ADAMTS12: variants seen among roughly 807,000 people sequenced by gnomAD.
ADAMTS12 encodes the protein A disintegrin and metalloproteinase with thrombospondin motifs 12.
In ADAMTS12, 118 loss-of-function variants were observed where a neutral mutation model predicts 167.8. The ratio of observed to expected loss-of-function variants is 0.70; its 90% CI spans 0.61 to 0.82. The LOEUF is 0.82. Among genes scored for constraint, ADAMTS12 ranks in the 40% least tolerant of loss-of-function variants. The pLI, the probability that ADAMTS12 is intolerant of heterozygous loss-of-function variation, is 0.00. For synonymous variants in ADAMTS12, 704 were observed against 716.9 expected (o/e 0.98, Z 0.29); for missense variants, 1,916 against 1,998.8 (o/e 0.96, Z 0.79).
chr5:33,649,495 A>C, intron 8 of ADAMTS12, 59 bp downstream of exon 8: 1 of 1,584,498 alleles, frequency 6.3e-7, no homozygotes, highest in Admixed American at 1.7e-5. Flanking sequence ...TGTAAAACTC[A>C]ATGCAGCTTC....
rs549704567 is a variant in ADAMTS12 at position 33,870,234 on chromosome 5, C to T, written c.489+10885G>A. 5.7e-4 allele frequency among the ~76,000 whole-genome samples: 87 copies of T among 151,976 alleles called. 1 individual carries two copies. Among genetic ancestry groups the T allele is most frequent in the East Asian group, 3.5e-3 (18 of 5,170 alleles). On this transcript the variant is annotated intron_variant, in intron 2 of 23. Coordinates refer to ENST00000504830, the MANE Select transcript of ADAMTS12 (RefSeq NM_030955.4). ...ATGCAATCATCACAGGGTCCTGAGG[C>T]GACATACATCTTCAGCTTATGAAGA...
chr5:33,863,151 C>T (rs957542818), intron 2 of ADAMTS12, among the ~76,000 whole-genome samples: 3 of 152,208 alleles, frequency 2.0e-5, no homozygotes, highest in African/African-American at 7.2e-5. Context: ...GATGCCCTCT[C>T]TCACCACTCC....
At chr5:33,549,753 G>A (rs1276274285) in intron 20 of ADAMTS12, among the ~76,000 whole-genome samples, 1 of 152,242 alleles carries the variant, frequency 6.6e-6, no homozygotes, top group Non-Finnish European at 1.5e-5. Flanking sequence ...CCCAGTGGGT[G>A]GCCATTCCGT....
chr5:33,612,440 C>G (rs1056357696), intron 16 of ADAMTS12, among the ~76,000 whole-genome samples: 2 of 152,174 alleles, frequency 1.3e-5, no homozygotes, highest in African/African-American at 4.8e-5. Flanking sequence ...GTGTGTGATG[C>G]AAAGGGTCCA....
In ADAMTS12 at chr5:33,891,787, G is replaced by A; in HGVS notation, c.70C>T (p.Leu24Phe). 1 of 1,614,212 alleles carries A rather than the reference G, an allele frequency of 6.2e-7. No individual in the cohort carries two copies. The highest frequency in any genetic ancestry group is 8.5e-7 in the Non-Finnish European group (1 of 1,180,030). The change falls in exon 1 of 24, where the codon CTT becomes TTT. Residue 24 changes from leucine to phenylalanine, a missense_variant. Physicochemically the swap from Leu to Phe is conservative, Grantham distance 22 (BLOSUM62 0). Coordinates refer to ENST00000504830, the MANE Select transcript of ADAMTS12 (RefSeq NM_030955.4). ...GGCTGAGGCTGTCTCCCATAGCAAA[G>A]CGCCCCAAAGTTAAGGAGCTGAGCC... ...VVAQLLNFGA[L>F]CYGRQPQPGP...
At chr5:33,838,430 C>T (rs774867468) in intron 2 of ADAMTS12, among the ~76,000 whole-genome samples, 1 of 152,158 alleles carries the variant, frequency 6.6e-6, no homozygotes, top group Non-Finnish European at 1.5e-5. Context: ...CACCTGTAAT[C>T]CCAGCACTTT....
chr5:33,813,148 G>A (rs1268652061), intron 2 of ADAMTS12, among the ~76,000 whole-genome samples: 1 of 152,192 alleles, frequency 6.6e-6, no homozygotes, highest in Non-Finnish European at 1.5e-5. Flanking sequence ...CAGATTCCCA[G>A]TGTTATGCAC....
intron 2 of ADAMTS12, among the ~76,000 whole-genome samples, chr5:33,822,969 T>C (rs920368273): frequency 3.3e-5 from 5 of 151,736 alleles, no homozygotes; most frequent in Admixed American, 6.6e-5. Context: ...GTGCACACCA[T>C]AGTCCCAGCT....
chr5:33,764,444 T>C (rs977218621), intron 2 of ADAMTS12, among the ~76,000 whole-genome samples: 2 of 152,240 alleles, frequency 1.3e-5, no homozygotes, highest in Non-Finnish European at 2.9e-5. Context: ...TTTCCCATTG[T>C]GCTAATTCTT....
intron 2 of ADAMTS12, among the ~76,000 whole-genome samples, chr5:33,849,075 A>G (rs1366240601): frequency 6.9e-6 from 1 of 144,908 alleles, no homozygotes; most frequent in African/African-American, 2.5e-5. Context: ...TATGTATTGC[A>G]TAGCAATATA....
At chr5:33,573,046 C>T (rs557810690) in intron 19 of ADAMTS12, among the ~76,000 whole-genome samples, 2 of 151,886 alleles carry the variant, frequency 1.3e-5, no homozygotes, top group Non-Finnish European at 1.5e-5. Flanking sequence ...TTACAAGGGA[C>T]CTGAAGGACC....
chr5:33,596,102 G>A (rs1185604643), intron 16 of ADAMTS12, 42 bp from the exon 17 acceptor site: 1 of 1,608,750 alleles, frequency 6.2e-7, no homozygotes, highest in Non-Finnish European at 8.5e-7. Flanking sequence ...TGAATCCTGA[G>A]CCCACATGCT....
At chr5:33,806,199 G>A (rs1747222836) in intron 2 of ADAMTS12, among the ~76,000 whole-genome samples, 1 of 152,206 alleles carries the variant, frequency 6.6e-6, no homozygotes. Flanking sequence ...AGCATTTAAT[G>A]AAATGATGCA....
chr5:33,772,788 A>G (rs1166550623), intron 2 of ADAMTS12, among the ~76,000 whole-genome samples: 2 of 152,162 alleles, frequency 1.3e-5, no homozygotes, highest in African/African-American at 4.8e-5. Context: ...CACTATTTGA[A>G]GCTCATTGAG....
intron 3 of ADAMTS12, among the ~76,000 whole-genome samples, chr5:33,724,149 C>T (rs957387897): frequency 3.9e-5 from 6 of 152,202 alleles, no homozygotes; most frequent in Admixed American, 3.9e-4. Context: ...AGTATTCTCT[C>T]TTCTATTAGA....
chr5:33,757,387 CTG>C (rs1008563051), intron 2 of ADAMTS12, among the ~76,000 whole-genome samples: 1 of 152,140 alleles, frequency 6.6e-6, no homozygotes, highest in African/African-American at 2.4e-5. Flanking sequence ...TGCCACTGTC[CTG>C]AGGACAGAAT....
chr5:33,596,152 C>A, intron 16 of ADAMTS12, 92 bp from the exon 17 acceptor site: 1 of 1,474,256 alleles, frequency 6.8e-7, no homozygotes, highest in African/African-American at 1.4e-5. Context: ...AACGATCATG[C>A]TGACGGCTGA....
chr5:33,529,362 A>C (rs1743983087), intron 23 of ADAMTS12, among the ~76,000 whole-genome samples: 2 of 151,918 alleles, frequency 1.3e-5, no homozygotes, highest in South Asian at 2.1e-4. Context: ...ACTGGCCTAC[A>C]CGTTCCAGGT....
chr5:33,637,732 C>T lies in ADAMTS12; in HGVS notation c.1733G>A (p.Gly578Glu). Reference sequence around the variant, plus strand: ...TTTTCTTTCTCCAGTGCAATATTTCCCTCCAAACTTTGGCCTGCAAATGAA... The same window carrying T: ...TTTTCTTTCTCCAGTGCAATATTTCTCTCCAAACTTTGGCCTGCAAATGAA... ...LCNNPEPKFG[G>E]KYCTGERKRY... Residue 578 changes from glycine (G) to glutamate (E), a missense_variant, in exon 12 of 24, where the codon GGG (glycine) becomes GAG (glutamate). Gly to Glu is a moderately conservative substitution (Grantham distance 98, BLOSUM62 -2). Transcript: ENST00000504830. The T allele has an allele frequency of 6.2e-7, 1 of 1,612,764 alleles. No homozygotes were observed. Among genetic ancestry groups the T allele is most frequent in the Non-Finnish European group, 8.5e-7 (1 of 1,179,240 alleles).
Sources: allele counts gnomAD v4.1 joint callset (sites outside exome capture counted in the v4.1 genomes callset), GRCh38; gene constraint gnomAD v4.1.1; transcripts MANE v1.5; gene names NCBI Gene and HGNC (gene_info 2026-07-23, HGNC 2026-07-21).